NPY2R: variants seen among roughly 807,000 people sequenced by gnomAD.
The protein encoded by NPY2R is neuropeptide Y receptor type 2.
A neutral mutation model predicts 22.3 loss-of-function variants in NPY2R; 17 were observed. The ratio of observed to expected loss-of-function variants is 0.76; its 90% confidence interval spans 0.52 to 1.14. NPY2R has a LOEUF of 1.14. NPY2R is among the 50% of genes most tolerant of loss of function. NPY2R has a pLI of 0.00. For missense variants in NPY2R, 424 were observed against 467.9 expected (o/e 0.91, Z 0.87); for synonymous variants, 209 against 183.4 (o/e 1.14, Z -1.13).
chr4:155,195,408 G>A, the NPY2R span, among the ~76,000 whole-genome samples: 9 of 151,938 alleles, frequency 5.9e-5, no homozygotes, highest in African/African-American at 2.2e-4. Context: ...TGACCTTAGT[G>A]TCCGGGGCAG....
upstream of NPY2R, among the ~76,000 whole-genome samples, chr4:155,204,913 G>A (rs557628108): frequency 6.6e-6 from 1 of 151,774 alleles, no homozygotes; most frequent in Non-Finnish European, 1.5e-5. Context: ...CCCTGCATAT[G>A]CCAAAATCCT....
chr4:155,184,996 G>T, the NPY2R span, among the ~76,000 whole-genome samples: 1 of 147,828 alleles, frequency 6.8e-6, no homozygotes, highest in Non-Finnish European at 1.5e-5. Flanking sequence ...AACAAAATTG[G>T]AATGAGAGAG....
upstream of NPY2R, among the ~76,000 whole-genome samples, chr4:155,206,265 G>A (rs1048783929): frequency 6.6e-6 from 1 of 152,190 alleles, no homozygotes; most frequent in Non-Finnish European, 1.5e-5. Context: ...AAGAAATCAA[G>A]CATCAATAAT....
the NPY2R span, among the ~76,000 whole-genome samples, chr4:155,184,514 G>T: frequency 1.3e-5 from 2 of 152,120 alleles, no homozygotes; most frequent in Admixed American, 6.6e-5. Flanking sequence ...TATAAGTAAA[G>T]TTGGGTGGAT....
the NPY2R span, among the ~76,000 whole-genome samples, chr4:155,194,928 C>A: frequency 6.6e-6 from 1 of 151,924 alleles, no homozygotes; most frequent in Non-Finnish European, 1.5e-5. Context: ...AATAGCCATT[C>A]TGACTGGTGT....
At chr4:155,205,286 G>A (rs1245136107), upstream of NPY2R, among the ~76,000 whole-genome samples, 4 of 152,122 alleles carry the variant, frequency 2.6e-5, no homozygotes, top group African/African-American at 4.8e-5. Flanking sequence ...TTTAGATAAT[G>A]CCTATTTCTT....
chr4:155,211,093 A>G, intron 1 of NPY2R, among the ~76,000 whole-genome samples: 1 of 152,254 alleles, frequency 6.6e-6, no homozygotes, highest in East Asian at 1.9e-4. Flanking sequence ...GGAAAGGATC[A>G]AAATTATACT....
chr4:155,174,482 A>ATTTT, the NPY2R span, among the ~76,000 whole-genome samples: 4 of 104,514 alleles, frequency 3.8e-5, no homozygotes, highest in South Asian at 2.7e-4. Context: ...ATATATATAT[A>ATTTT]TATTTTTTTT....
upstream of NPY2R, chr4:155,207,871 C>G (rs1729313888): frequency 6.6e-6 from 1 of 152,318 alleles, no homozygotes; most frequent in Non-Finnish European, 1.5e-5. Context: ...CTTTCCTATC[C>G]TATCCCTATC....
chr4:155,206,344 A>C (rs901677813), upstream of NPY2R, among the ~76,000 whole-genome samples: 1 of 152,252 alleles, frequency 6.6e-6, no homozygotes, highest in African/African-American at 2.4e-5. Flanking sequence ...AACTCCTGTC[A>C]GTGTCACAAC....
At chr4:155,190,083 C>T in the NPY2R span, among the ~76,000 whole-genome samples, 7,167 of 152,078 alleles carry the variant, frequency 0.047, 538 homozygotes, top group African/African-American at 0.16. Flanking sequence ...CTCAGGCCCA[C>T]ATGTAGATAG....
At chr4:155,184,465 C>T in the NPY2R span, among the ~76,000 whole-genome samples, 1 of 152,122 alleles carries the variant, frequency 6.6e-6, no homozygotes, top group Non-Finnish European at 1.5e-5. Context: ...TGTATTTATT[C>T]CAAGGCTAAA....
chr4:155,178,589 G>T, the NPY2R span, among the ~76,000 whole-genome samples: 1 of 152,130 alleles, frequency 6.6e-6, no homozygotes, highest in Non-Finnish European at 1.5e-5. Context: ...GAGAGAAGAG[G>T]TTGAAATAGG....
At chr4:155,191,696 T>C in the NPY2R span, among the ~76,000 whole-genome samples, 2 of 151,892 alleles carry the variant, frequency 1.3e-5, no homozygotes, top group African/African-American at 2.4e-5. Context: ...TTCTCAGTTT[T>C]CCTATGGAAC....
chr4:155,208,636 G>C lies in NPY2R; in HGVS notation c.-482G>C, dbSNP rs1729332281. 6.6e-6 allele frequency: 1 copy of C among 152,334 alleles called. No individual in the cohort carries two copies. Among genetic ancestry groups the C allele is most frequent in the Non-Finnish European group, 1.5e-5 (1 of 68,224 alleles). The allele number at this position is 152,334 out of a possible 1,614,324, so 9.4% of individuals were successfully genotyped here. On this transcript the variant is annotated 5_prime_UTR_variant, in exon 1 of 2. Transcript: ENST00000329476. The surrounding 1 kb of genome is among the most constrained non-coding windows in gnomAD (Gnocchi z 5.6). ...GGGCTTGCAAGCCCGGGAGGCGGCT[G>C]AGAGACCCTGGACACTGTTCCTGCT...
At chr4:155,176,701 G>A in the NPY2R span, among the ~76,000 whole-genome samples, 69 of 152,156 alleles carry the variant, frequency 4.5e-4, no homozygotes, top group East Asian at 0.012. Context: ...TGGCAAAACT[G>A]CACACACTAG....
upstream of NPY2R, chr4:155,207,846 A>G (rs1234731509): frequency 6.6e-6 from 1 of 152,206 alleles, no homozygotes; most frequent in Non-Finnish European, 1.5e-5. Context: ...ATTGTGTTTT[A>G]TTCGTGTCCC....
At chr4:155,177,268 G>A in the NPY2R span, among the ~76,000 whole-genome samples, 4 of 152,272 alleles carry the variant, frequency 2.6e-5, no homozygotes, top group South Asian at 4.1e-4. Context: ...CTCTTTAGCT[G>A]TTAACCTGTG....
At chr4:155,209,390 T>C (rs973757711) in intron 1 of NPY2R, among the ~76,000 whole-genome samples, 10 of 152,236 alleles carry the variant, frequency 6.6e-5, no homozygotes, top group Admixed American at 2.0e-4. Context: ...CAGAAGGTCC[T>C]ATTGGATTCT....
Sources: gnomAD v4.1 joint callset for allele counts (sites outside exome capture counted in the v4.1 genomes callset) on GRCh38, gnomAD v4.1.1 for gene constraint, Gnocchi (gnomAD v3.1) non-coding constraint, MANE v1.5 for transcripts, NCBI Gene and HGNC (gene_info 2026-07-23, HGNC 2026-07-21) for gene names.